The following ARHGAP42 variants were observed in gnomAD, a reference collection of about 807,000 sequenced individuals.
ARHGAP42 encodes the protein Rho GTPase activating protein 42.
ARHGAP42 carries 63 observed loss-of-function variants against 125.0 expected under a neutral mutation model. The observed-to-expected ratio is 0.50, with a 90% CI of 0.41 to 0.62. The LOEUF (loss-of-function observed/expected upper bound fraction) is 0.62. Ranked by LOEUF, ARHGAP42 falls within the 20% of genes least tolerant of loss-of-function variation. The probability of loss-of-function intolerance (pLI) is 0.00; values close to 1 mark genes in which losing one functional copy is unlikely to be tolerated. For missense variants in ARHGAP42, 766 were observed against 1,024.2 expected, an observed-to-expected ratio of 0.75 and a Z score of 3.44; for synonymous variants, 339 against 351.0, an observed-to-expected ratio of 0.97 and a Z score of 0.38.
At chr11:100,696,575 G>A (rs552366682) in intron 1 of ARHGAP42, among the ~76,000 whole-genome samples, 26 of 152,054 alleles carry the variant, frequency 1.7e-4, no homozygotes, top group African/African-American at 5.8e-4. Flanking sequence ...AGCTGGTCTC[G>A]AACTCCTGAC....
intron 1 of ARHGAP42, among the ~76,000 whole-genome samples, chr11:100,755,690 AG>A (rs1862557544): frequency 1.3e-5 from 2 of 152,346 alleles, no homozygotes; most frequent in African/African-American, 4.8e-5. Context: ...CCAAGGGAAT[AG>A]TAGTAAGTTG....
chr11:100,771,903 A>G (rs560210341), intron 2 of ARHGAP42, among the ~76,000 whole-genome samples: 1 of 152,218 alleles, frequency 6.6e-6, no homozygotes, highest in Admixed American at 6.5e-5. Flanking sequence ...CCCGGCTGGA[A>G]ATCTTAATTG....
At chr11:100,782,808 T>C (rs904396767) in intron 2 of ARHGAP42, among the ~76,000 whole-genome samples, 1 of 152,180 alleles carries the variant, frequency 6.6e-6, no homozygotes, top group Non-Finnish European at 1.5e-5. Flanking sequence ...AACATCTCAG[T>C]GCTGAGGGTA....
At chr11:100,962,160 C>T (rs936478694) in intron 15 of ARHGAP42, among the ~76,000 whole-genome samples, 3 of 151,872 alleles carry the variant, frequency 2.0e-5, no homozygotes, top group African/African-American at 7.3e-5. Flanking sequence ...CCCAGTCTCC[C>T]CTCTTAATAC....
intron 1 of ARHGAP42, among the ~76,000 whole-genome samples, chr11:100,724,152 C>T (rs2120279183): frequency 6.6e-6 from 1 of 152,130 alleles, no homozygotes; most frequent in South Asian, 2.1e-4. Context: ...TTCTGTCAGC[C>T]TTGCATACCT....
rs140681427 is a variant in ARHGAP42, at chr11:100,816,553, G to A, written c.312+21387G>A. 3.4e-3 allele frequency among the ~76,000 whole-genome samples: 520 copies of A among 152,260 alleles called. 4 individuals are homozygous for A. Among genetic ancestry groups the A allele is most frequent in the African/African-American group, 0.012 (494 of 41,532 alleles). Reference sequence around the variant, plus strand: ...GTCAAAACATCAAACATTTTTTACTGTGCATTTTAAGATGCTAAATGATTA... The same window carrying A: ...GTCAAAACATCAAACATTTTTTACTATGCATTTTAAGATGCTAAATGATTA... On this transcript the variant is annotated intron_variant, in intron 3 of 23. Coordinates refer to ENST00000298815, the MANE Select transcript of ARHGAP42 (RefSeq NM_152432.4).
chr11:100,841,347 C>T (rs1362399496), intron 3 of ARHGAP42, among the ~76,000 whole-genome samples: 1 of 151,286 alleles, frequency 6.6e-6, no homozygotes, highest in Non-Finnish European at 1.5e-5. Context: ...TTGGTTTGTT[C>T]AGGAGTTGAG....
At chr11:100,689,817 A>G (rs1861157087) in intron 1 of ARHGAP42, among the ~76,000 whole-genome samples, 1 of 152,208 alleles carries the variant, frequency 6.6e-6, no homozygotes, top group Admixed American at 6.5e-5. Flanking sequence ...AGGATTCCTA[A>G]CAGCAGCTGC....
At chr11:100,850,551 G>A (rs1865177701) in intron 3 of ARHGAP42, among the ~76,000 whole-genome samples, 1 of 152,082 alleles carries the variant, frequency 6.6e-6, no homozygotes, top group South Asian at 2.1e-4. Context: ...TGGCTGTTAT[G>A]TGTTATGTAT....
intron 18 of ARHGAP42, 80 bp from the exon 19 acceptor site, chr11:100,974,379 A>T (rs1858332299): frequency 7.5e-7 from 1 of 1,340,688 alleles, no homozygotes. Flanking sequence ...ATTAAGTAGC[A>T]TATGGTTCAA....
At chr11:100,960,544 C>G (rs1244335344) in intron 13 of ARHGAP42, among the ~76,000 whole-genome samples, 1 of 152,116 alleles carries the variant, frequency 6.6e-6, no homozygotes. Flanking sequence ...TTCCTCATCT[C>G]TAAAATGAAG....
intron 5 of ARHGAP42, among the ~76,000 whole-genome samples, chr11:100,918,406 T>C (rs1867136438): frequency 6.6e-6 from 1 of 152,194 alleles, no homozygotes; most frequent in Non-Finnish European, 1.5e-5. Context: ...CCATATGGTT[T>C]TCTTATTAAA....
chr11:100,746,525 C>G (rs867166852), intron 1 of ARHGAP42, among the ~76,000 whole-genome samples: 18 of 152,208 alleles, frequency 1.2e-4, no homozygotes, highest in Middle Eastern at 3.2e-3. Flanking sequence ...GAATATTAAT[C>G]CATTTTAACC....
At chr11:100,764,763 G>A (rs1206773304) in intron 1 of ARHGAP42, among the ~76,000 whole-genome samples, 1 of 152,184 alleles carries the variant, frequency 6.6e-6, no homozygotes, top group African/African-American at 2.4e-5. Context: ...TTCAACAAAA[G>A]AGCTGTTGTT....
At chr11:100,817,637 C>T (rs1391276377) in intron 3 of ARHGAP42, among the ~76,000 whole-genome samples, 1 of 152,104 alleles carries the variant, frequency 6.6e-6, no homozygotes, top group African/African-American at 2.4e-5. Flanking sequence ...TTAACATCTC[C>T]GTATAAGCCA....
At chr11:100,794,993 A>T (rs2135032621) in intron 2 of ARHGAP42, 112 bp from the exon 3 acceptor site, 1 of 745,944 alleles carries the variant, frequency 1.3e-6, no homozygotes, top group Non-Finnish European at 2.1e-6. Flanking sequence ...TAGTATACAG[A>T]ATATACTATA....
chr11:100,723,519 T>C (rs979271529), intron 1 of ARHGAP42, among the ~76,000 whole-genome samples: 26 of 152,052 alleles, frequency 1.7e-4, no homozygotes, highest in Non-Finnish European at 3.7e-4. Context: ...AAGTATTTCT[T>C]TTTTTTTCTT....
intron 9 of ARHGAP42, 85 bp from the exon 10 acceptor site, chr11:100,943,674 T>C: frequency 1.1e-6 from 1 of 950,026 alleles, no homozygotes; most frequent in South Asian, 1.7e-5. Flanking sequence ...TTAAACATTT[T>C]AATGTGGCAA....
chr11:100,856,431 CA>C (rs950246801), intron 3 of ARHGAP42, among the ~76,000 whole-genome samples: 3 of 151,872 alleles, frequency 2.0e-5, no homozygotes, highest in African/African-American at 7.3e-5. Flanking sequence ...CATGTATTCC[CA>C]GGGGGAATGT....
Sources: gnomAD v4.1 joint callset for allele counts (sites outside exome capture counted in the v4.1 genomes callset) on GRCh38, gnomAD v4.1.1 for gene constraint, MANE v1.5 for transcripts, NCBI Gene and HGNC (gene_info 2026-07-23, HGNC 2026-07-21) for gene names.